The following FRYL variants were observed in gnomAD, a reference collection of about 807,000 sequenced individuals.
FRYL encodes the protein FRY like transcription coactivator.
In FRYL, 150 loss-of-function variants were observed where a neutral mutation model predicts 351.2. The ratio of observed to expected loss-of-function variants is 0.43; its 90% CI spans 0.37 to 0.49. FRYL has a LOEUF of 0.49. FRYL is among the 20% of genes least tolerant of loss of function. The pLI, the probability that FRYL is intolerant of heterozygous loss-of-function variation, is 0.00. For missense variants in FRYL, 3,036 were observed against 3,619.3 expected (o/e 0.84, Z 4.13); for synonymous variants, 1,153 against 1,257.1 (o/e 0.92, Z 1.75).
In FRYL at chr4:48,668,200, A is replaced by G. The variant is rs1166886783; in HGVS notation, c.-81+16473T>C. Among the ~76,000 whole-genome samples, 4 of 152,196 alleles carry G rather than the reference A, an allele frequency of 2.6e-5. No individual in the cohort carries two copies. The East Asian group carries it at 7.7e-4, about 29-fold the overall frequency. ...TGCGACAAAGACCTGTGGCCTGCAA[A>G]GCCTAAAATATTTACTATCTGGCCC... On this transcript the variant is annotated intron_variant, in intron 3 of 63. Coordinates refer to ENST00000358350, the MANE Select transcript of FRYL (RefSeq NM_015030.2).
chr4:48,632,407 T>C (rs1222333943), intron 4 of FRYL, among the ~76,000 whole-genome samples: 1 of 150,376 alleles, frequency 6.6e-6, no homozygotes, highest in Non-Finnish European at 1.5e-5. Flanking sequence ...AGTGTAGTAA[T>C]TTATCATGTA....
chr4:48,677,166 TTAAAAA>T (rs973139526), intron 3 of FRYL, among the ~76,000 whole-genome samples: 1 of 152,190 alleles, frequency 6.6e-6, no homozygotes, highest in Non-Finnish European at 1.5e-5. Flanking sequence ...TTAAAGAAAG[TTAAAAA>T]TAAAAAAATT....
In FRYL at chr4:48,553,290, A is replaced by C. The variant is rs919492704; in HGVS notation, c.4360T>G (p.Ser1454Ala). ...SELQLTDPVSSGVTHMDNPPY... is the reference protein window; with the variant it reads ...SELQLTDPVSAGVTHMDNPPY... ...GGATTATCCATGTGAGTGACCCCTGAACTGACAGGATCGGTCAGCTGAAGC... is the reference window on the plus strand; with the variant it reads ...GGATTATCCATGTGAGTGACCCCTGCACTGACAGGATCGGTCAGCTGAAGC... The change falls in exon 36 of 64, where the codon TCA becomes GCA. Residue 1454 changes from serine to alanine, a missense_variant. This residue lies in a region of FRYL where 1,987 missense variants were observed against 2,311.7 expected (regional missense o/e 0.86). Coordinates refer to ENST00000358350, the MANE Select transcript of FRYL (RefSeq NM_015030.2). The C allele has an allele frequency of 1.2e-6, 2 of 1,613,454 alleles. No individual in the cohort carries two copies. The highest frequency in any genetic ancestry group is 2.7e-5 in the African/African-American group (2 of 74,924).
chr4:48,525,165 A>G (rs917698949), intron 53 of FRYL, among the ~76,000 whole-genome samples: 12 of 36,800 alleles, frequency 3.3e-4, no homozygotes, highest in South Asian at 7.5e-4. Flanking sequence ...TTTTAAAGGT[A>G]TATATATATA....
intron 19 of FRYL, among the ~76,000 whole-genome samples, chr4:48,583,069 T>C (rs1233873011): frequency 6.6e-6 from 1 of 152,198 alleles, no homozygotes; most frequent in African/African-American, 2.4e-5. Flanking sequence ...TCAAAAATGA[T>C]ATCTAATCAT....
chr4:48,557,800 TTTTA>T, intron 33 of FRYL, 88 bp from the exon 34 acceptor site: 1 of 1,441,288 alleles, frequency 6.9e-7, no homozygotes, highest in Admixed American at 2.0e-5. Flanking sequence ...AGAAGCCAGA[TTTTA>T]TTCATTTTAC....
chr4:48,725,064 T>C (rs1769930394), intron 1 of FRYL, among the ~76,000 whole-genome samples: 1 of 152,184 alleles, frequency 6.6e-6, no homozygotes, highest in African/African-American at 2.4e-5. Flanking sequence ...GATGATTAAA[T>C]CAATATAAAA....
At chr4:48,529,429 C>T (rs1458687254) in intron 50 of FRYL, among the ~76,000 whole-genome samples, 2 of 152,126 alleles carry the variant, frequency 1.3e-5, no homozygotes, top group African/African-American at 2.4e-5. Context: ...TGAGAATTTG[C>T]ATCACTGCTT....
intron 3 of FRYL, among the ~76,000 whole-genome samples, chr4:48,668,820 G>T (rs1016599905): frequency 2.6e-5 from 4 of 152,204 alleles, no homozygotes; most frequent in Non-Finnish European, 5.9e-5. Context: ...ACCAGAATTG[G>T]AGGCTTATTA....
At chr4:48,616,033 G>C (rs1487018583) in intron 7 of FRYL, among the ~76,000 whole-genome samples, 1 of 152,074 alleles carries the variant, frequency 6.6e-6, no homozygotes, top group East Asian at 1.9e-4. Flanking sequence ...ATGGACACAG[G>C]GAGGGGAAGG....
At chr4:48,505,681 A>G (rs1321340836) in intron 59 of FRYL, 66 bp from the exon 60 acceptor site, 1 of 946,714 alleles carries the variant, frequency 1.1e-6, no homozygotes. Flanking sequence ...GCCTGTCCAT[A>G]TACAACACCA....
intron 1 of FRYL, among the ~76,000 whole-genome samples, chr4:48,729,513 G>C: frequency 6.6e-6 from 1 of 152,192 alleles, no homozygotes; most frequent in East Asian, 1.9e-4. Flanking sequence ...ATACAGGCGG[G>C]TGCCTCTCTG....
At chr4:48,582,278 A>C (rs1321638818) in intron 20 of FRYL, among the ~76,000 whole-genome samples, 1 of 152,240 alleles carries the variant, frequency 6.6e-6, no homozygotes, top group Non-Finnish European at 1.5e-5. Flanking sequence ...TATGCTCATT[A>C]AAAACCCAAA....
rs778747712 is a variant in FRYL at position 48,619,267 on chromosome 4, A to C, written c.411+7T>G. ...AATACAGACTTTGCAGAAATAAAAG[A>C]GCTTACCTGCTTTAGAACTTCAACT... On this transcript the variant is annotated splice_region_variant and intron_variant, in intron 7 of 63. Coordinates refer to ENST00000358350, the MANE Select transcript of FRYL (RefSeq NM_015030.2). The C allele has an allele frequency of 1.7e-5, 26 of 1,573,266 alleles. 1 individual carries two copies. The South Asian group carries it at 2.9e-4, about 18-fold the overall frequency.
At chr4:48,729,915 T>A (rs1172566872) in intron 1 of FRYL, among the ~76,000 whole-genome samples, 1 of 152,136 alleles carries the variant, frequency 6.6e-6, no homozygotes, top group African/African-American at 2.4e-5. Context: ...AGAGGTAGGC[T>A]TCAGAAGGTC....
In FRYL at chr4:48,510,225, G is replaced by A; in HGVS notation, c.8296-68C>T. ...GAAATCATGAGACTCACAAAATCAT[G>A]AGACTTTTCAGTCATGGAATAGCTG... is the stretch of plus-strand genomic sequence containing the variant. On this transcript the variant is annotated intron_variant, in intron 58 of 63. Coordinates refer to ENST00000358350, the MANE Select transcript of FRYL (RefSeq NM_015030.2). 5.1e-6 allele frequency: 6 copies of A among 1,173,928 alleles called. No homozygotes were observed. In the South Asian group the frequency reaches 7.4e-5, roughly 14 times the overall value. 72.7% of individuals were successfully genotyped at this position (1,173,928 alleles called of 1,614,324 possible).
At chr4:48,767,087 G>A (rs1297097570) in intron 1 of FRYL, among the ~76,000 whole-genome samples, 3 of 150,914 alleles carry the variant, frequency 2.0e-5, no homozygotes, top group African/African-American at 7.3e-5. Context: ...CACACTGCTA[G>A]AAGACATATC....
chr4:48,497,749 A>C lies in FRYL; in HGVS notation c.*1673T>G, dbSNP rs534561355. 23 of 152,774 alleles carry C rather than the reference A, an allele frequency of 1.5e-4. No homozygotes were observed. Among genetic ancestry groups the C allele is most frequent in the African/African-American group, 5.0e-4 (21 of 41,586 alleles). The allele number at this position is 152,774 out of a possible 1,614,324, so 9.5% of individuals were successfully genotyped here. ...AATTACAGTACCAGAACACCATCAAAATAATTGTCTTTATCAGGGTCAAAA... is the reference window on the plus strand; with the variant it reads ...AATTACAGTACCAGAACACCATCAACATAATTGTCTTTATCAGGGTCAAAA... On this transcript the variant is annotated 3_prime_UTR_variant, in exon 64 of 64. Coordinates refer to ENST00000358350, the MANE Select transcript of FRYL (RefSeq NM_015030.2).
chr4:48,599,818 T>C (rs1745339696), intron 13 of FRYL, among the ~76,000 whole-genome samples: 5 of 152,088 alleles, frequency 3.3e-5, no homozygotes, highest in Admixed American at 3.3e-4. Flanking sequence ...ATAAGAAGTA[T>C]GGGTCTAGGC....
Sources: gnomAD v4.1 joint callset for allele counts (sites outside exome capture counted in the v4.1 genomes callset) on GRCh38, gnomAD v4.1.1 for gene constraint, gnomAD v4.1.1 regional missense constraint, MANE v1.5 for transcripts, NCBI Gene and HGNC (gene_info 2026-07-23, HGNC 2026-07-21) for gene names.